The following AGAP2 variants were observed in gnomAD, a reference collection of about 807,000 sequenced individuals.
AGAP2 encodes arf-GAP with GTPase, ANK repeat and PH domain-containing protein 2.
In AGAP2, 32 loss-of-function variants were observed where a neutral mutation model predicts 110.9. That is an observed-to-expected ratio of 0.29 (90% confidence interval 0.22 to 0.39). The LOEUF is 0.39. AGAP2 is among the 10% of genes least tolerant of loss of function. The pLI is 1.00. For synonymous variants in AGAP2, 702 were observed against 713.0 expected (o/e 0.98, Z 0.25); for missense variants, 1,285 against 1,638.5 (o/e 0.78, Z 3.72).
rs1222351135 is a variant in AGAP2 at position 57,737,632 on chromosome 12, G to A, written c.615C>T (p.Gly205=). ...CGGGCCATGACAGGCGGCTACCCGC[G>A]CCCTTGCCCCCGCCGGCTTTGGCTC... The part of the protein sequence containing the change: ...TSGAKAGGGK[G]AGSRLSWPES... The change falls in exon 1 of 19, where the codon GGC becomes GGT. Residue 205 remains glycine (G), a synonymous_variant. Transcript: ENST00000547588. The surrounding 1 kb of genome is among the most constrained non-coding windows in gnomAD (Gnocchi z 5.9). The A allele has an allele frequency of 6.5e-7, 1 of 1,547,292 alleles. No individual in the cohort carries two copies. Among genetic ancestry groups the A allele is most frequent in the Non-Finnish European group, 8.7e-7 (1 of 1,146,720 alleles).
chr12:57,734,044 C>A lies in AGAP2; in HGVS notation c.1531G>T (p.Ala511Ser). Reference sequence around the variant, plus strand: ...TCCTTACCTTGTGTCCCCACCAGTGCCAAGGCCAGGCCTCCTCGTCCCTCC... The same window carrying A: ...TCCTTACCTTGTGTCCCCACCAGTGACAAGGCCAGGCCTCCTCGTCCCTCC... Reference protein sequence around the residue: ...RGEGRGGLALALVGTQDRISA... With the variant: ...RGEGRGGLALSLVGTQDRISA... Residue 511 changes from alanine to serine, a missense_variant, in exon 5 of 19, where the codon GCA (alanine) becomes TCA (serine). By Grantham distance (99) the Ala-to-Ser change is moderately conservative (BLOSUM62 1). Coordinates refer to ENST00000547588, the MANE Select transcript of AGAP2 (RefSeq NM_001122772.3). The A allele has an allele frequency of 6.2e-7, 1 of 1,601,148 alleles. No homozygotes were observed. Among genetic ancestry groups the A allele is most frequent in the Non-Finnish European group, 8.5e-7 (1 of 1,173,748 alleles).
In AGAP2 at chr12:57,730,836, C is replaced by T. The variant is rs1027170769; in HGVS notation, c.2263G>A (p.Gly755Arg). 3.1e-6 allele frequency: 5 copies of T among 1,613,854 alleles called. No individual in the cohort carries two copies. The highest frequency in any genetic ancestry group is 1.7e-4 in the Middle Eastern group (1 of 6,056). Residue 755 changes from glycine to arginine, a missense_variant, in exon 11 of 19, where the codon GGG (glycine) becomes AGG (arginine). This residue lies in a region of AGAP2 where 135 missense variants were observed against 182.0 expected (regional missense o/e 0.74). Coordinates refer to ENST00000547588, the MANE Select transcript of AGAP2 (RefSeq NM_001122772.3). The stretch of plus-strand genomic sequence containing the variant: ...ACAGTGCTCATGTCCTTGACGAGCC[C>T]GTTAATGCTGGCTGAGGGGCCAAAG... The part of the protein sequence containing the change: ...SAFGPSASIN[G>R]LVKDMSTVQM...
At chr12:57,728,256 C>CG in intron 14 of AGAP2, 62 bp downstream of exon 14, 1 of 1,579,076 alleles carries the variant, frequency 6.3e-7, no homozygotes, top group Admixed American at 1.7e-5. Context: ...CAGGGGAAGG[C>CG]GGGGGCACCC....
In AGAP2 at chr12:57,725,920, G is replaced by C. The variant is rs1372793932; in HGVS notation, c.*632C>G. ...CTCTTTAGCTTCCACCCATGGGTAG[G>C]TGTAGGGGACGTCCTGGTTTCCACT... On this transcript the variant is annotated 3_prime_UTR_variant, in exon 19 of 19. Coordinates refer to ENST00000547588, the MANE Select transcript of AGAP2 (RefSeq NM_001122772.3). 6.6e-6 allele frequency: 1 copy of C among 151,910 alleles called. No individual in the cohort carries two copies. Among genetic ancestry groups the C allele is most frequent in the Non-Finnish European group, 1.5e-5 (1 of 67,972 alleles). The allele number at this position is 151,910 out of a possible 1,614,324, so 9.4% of individuals were successfully genotyped here.
chr12:57,730,322 A>G (rs1954861025), intron 12 of AGAP2, 173 bp downstream of exon 12: 2 of 975,490 alleles, frequency 2.1e-6, no homozygotes, highest in East Asian at 2.7e-5. Flanking sequence ...GTTAGAGTCC[A>G]CTTGTCTTAA....
Position 57,727,453 on chromosome 12 carries a change from G to A in AGAP2, c.2987C>T (p.Thr996Ile), listed in dbSNP as rs1162962655. ...GTTGCCAATAGCCGTCAGCACCAGG[G>A]TCAGCTCCCGTGGCCAGTCGTCCAA... ...LDLDDWPREL[T>I]LVLTAIGNDT... Residue 996 changes from threonine (T) to isoleucine (I), a missense_variant, in exon 17 of 19, where the codon ACC (threonine) becomes ATC (isoleucine). Transcript: ENST00000547588. 1.2e-6 allele frequency: 2 copies of A among 1,613,722 alleles called. No individual in the cohort carries two copies. Among genetic ancestry groups the A allele is most frequent in the East Asian group, 4.5e-5 (2 of 44,860 alleles).
chr12:57,727,021 G>C lies in AGAP2; in HGVS notation c.3289C>G (p.Leu1097Val). 6.2e-7 allele frequency: 1 copy of C among 1,608,888 alleles called. No individual in the cohort carries two copies. ...EDPQLRSPLH[L>V]AAELAHVVIT... ...ACGACGTGGGCGAGCTCGGCCGCCA[G>C]GTGGAGTGGGGAGCGCAGCTGTGGG... Residue 1097 changes from leucine (L) to valine (V), a missense_variant, in exon 18 of 19, where the codon CTG (leucine) becomes GTG (valine). Coordinates refer to ENST00000547588, the MANE Select transcript of AGAP2 (RefSeq NM_001122772.3).
intron 1 of AGAP2, among the ~76,000 whole-genome samples, chr12:57,736,775 GTGGGGTCC>G (rs1954990217): frequency 6.6e-6 from 1 of 152,226 alleles, no homozygotes; most frequent in East Asian, 1.9e-4. Flanking sequence ...GAGGCTGGAA[GTGGGGTCC>G]TGGGCTTCTC....
At chr12:57,731,238 C>T (rs1014167274) in intron 10 of AGAP2, 128 bp downstream of exon 10, 1 of 846,192 alleles carries the variant, frequency 1.2e-6, no homozygotes, top group Non-Finnish European at 1.9e-6. Flanking sequence ...TAACACATGC[C>T]TGCTAAACTT....
intron 13 of AGAP2, among the ~76,000 whole-genome samples, chr12:57,728,629 C>T (rs1954821658): frequency 6.6e-6 from 1 of 152,020 alleles, no homozygotes. Flanking sequence ...GAGCACCCGG[C>T]AGAGAGCAGG....
rs373686904 is a variant in AGAP2, at chr12:57,725,973, TG to T, written c.*578del. 4.6e-5 allele frequency: 7 copies of T among 151,870 alleles called. No homozygotes were observed. The highest frequency in any genetic ancestry group is 1.7e-4 in the African/African-American group (7 of 41,360). 9.4% of individuals were successfully genotyped at this position (151,870 alleles called of 1,614,324 possible). A position where few individuals can be genotyped will look rare whatever the true frequency, so the allele number is the denominator to read the frequency against. ...TCACGGTCCCTTTCACGGAAAGGGT[TG>T]GGAACCCCCACCCCCATGAGCAGCA... On this transcript the variant is annotated 3_prime_UTR_variant, in exon 19 of 19. Coordinates refer to ENST00000547588, the MANE Select transcript of AGAP2 (RefSeq NM_001122772.3).
Position 57,727,204 on chromosome 12 carries a change from C to A in AGAP2, c.3106G>T (p.Ala1036Ser), listed in dbSNP as rs1954786090. 1 of 1,611,654 alleles carries A rather than the reference C, an allele frequency of 6.2e-7. No individual in the cohort carries two copies. The highest frequency in any genetic ancestry group is 8.5e-7 in the Non-Finnish European group (1 of 1,179,492). Residue 1036 changes from alanine to serine, a missense_variant, in exon 18 of 19, where the codon GCC becomes TCC. Coordinates refer to ENST00000547588, the MANE Select transcript of AGAP2 (RefSeq NM_001122772.3). The part of the protein sequence containing the change: ...SREERESWIR[A>S]KYEQLLFLAP... ...AGGAACAGTAGCTGCTCGTACTTGG[C>A]GCGAATCCACGACTCGCGCTCCTCC... is the stretch of plus-strand genomic sequence containing the variant.
intron 8 of AGAP2, 33 bp downstream of exon 8, chr12:57,731,776 G>A (rs1463771831): frequency 4.5e-6 from 7 of 1,557,286 alleles, no homozygotes; most frequent in Non-Finnish European, 6.1e-6. Context: ...TGGGGGACAG[G>A]AGGATGGGGG....
chr12:57,737,850 G>A lies in AGAP2; in HGVS notation c.397C>T (p.Pro133Ser), dbSNP rs1226072000. The A allele has an allele frequency of 4.1e-6, 6 of 1,461,400 alleles. No homozygotes were observed. The highest frequency in any genetic ancestry group is 1.5e-5 in the African/African-American group (1 of 67,964). The allele number at this position is 1,461,400 out of a possible 1,614,324, so 90.5% of individuals were successfully genotyped here. Residue 133 changes from proline to serine, a missense_variant, in exon 1 of 19, where the codon CCT (proline) becomes TCT (serine). Around this residue, in one of 7 missense-constraint regions of AGAP2, gnomAD observed 844 missense variants for 941.2 expected, o/e 0.90. Transcript: ENST00000547588. This position sits in a 1 kb window ranked among gnomAD's most constrained non-coding sequence, Gnocchi z 5.9. ...CGGGAGGAGGTGGGGGCGCCCCCAG[G>A]CTTGGGGTCGGGGCTCAGTCCCCCG... ...LSGGLSPDPK[P>S]GGAPTSSRRP...
Position 57,726,946 on chromosome 12 carries a change from C to T in AGAP2, c.3336+28G>A. The stretch of plus-strand genomic sequence containing the variant: ...GTTTTCCGAGATGAAGCCTCAAAGA[C>T]CCCCTTTCCTCCCCCCAGCTCACGT... On this transcript the variant is annotated intron_variant, in intron 18 of 18. Transcript: ENST00000547588. This position sits in a 1 kb window ranked among gnomAD's most constrained non-coding sequence, Gnocchi z 5.7. 1 of 1,514,900 alleles carries T rather than the reference C, an allele frequency of 6.6e-7. No individual in the cohort carries two copies. The highest frequency in any genetic ancestry group is 1.8e-4 in the Middle Eastern group (1 of 5,526). The allele number at this position is 1,514,900 out of a possible 1,614,324, so 93.8% of individuals were successfully genotyped here. A position where few individuals can be genotyped will look rare whatever the true frequency, so the allele number is the denominator to read the frequency against.
At position 57,726,765 on chromosome 12, in the gene AGAP2, G is replaced by C. The variant is rs1339501767; in HGVS notation, c.3366C>G (p.Ala1122=). Residue 1122 remains alanine, a synonymous_variant, in exon 19 of 19, where the codon GCC becomes GCG. Coordinates refer to ENST00000547588, the MANE Select transcript of AGAP2 (RefSeq NM_001122772.3). This position sits in a 1 kb window ranked among gnomAD's most constrained non-coding sequence, Gnocchi z 5.7. ...WYGADVAARD[A]QGRTALFYAR... Reference sequence around the variant, plus strand: ...CGTAGAACAGCGCCGTGCGGCCCTGGGCGTCACGGGCCGCCACGTCCGCGC... The same window carrying C: ...CGTAGAACAGCGCCGTGCGGCCCTGCGCGTCACGGGCCGCCACGTCCGCGC... The C allele has an allele frequency of 7.4e-7, 1 of 1,354,656 alleles. No homozygotes were observed. The highest frequency in any genetic ancestry group is 3.1e-5 in the East Asian group (1 of 32,760). The allele number at this position is 1,354,656 out of a possible 1,614,324, so 83.9% of individuals were successfully genotyped here.
upstream of AGAP2, among the ~76,000 whole-genome samples, chr12:57,738,802 A>G (rs1299130200): frequency 3.2e-5 from 3 of 93,036 alleles, no homozygotes; most frequent in Admixed American, 4.0e-4. The surrounding 1 kb of genome is among the most constrained non-coding windows in gnomAD (Gnocchi z 6.7). Context: ...ATGGAGATAC[A>G]GGAGGCGGCG....
chr12:57,734,432 A>T (rs1345590840), intron 3 of AGAP2, 28 bp from the exon 4 acceptor site: 1 of 1,612,338 alleles, frequency 6.2e-7, no homozygotes, highest in Admixed American at 1.7e-5. Flanking sequence ...AAGGGGTAAC[A>T]GGTCAGAGGT....
rs775039304 is a variant in AGAP2 at position 57,731,455 on chromosome 12, G to A, written c.2056C>T (p.Arg686Ter). The change falls in exon 10 of 19, where the codon CGA becomes TGA. Residue 686 changes from arginine to a stop codon, truncating the protein, a stop_gained. Coordinates refer to ENST00000547588, the MANE Select transcript of AGAP2 (RefSeq NM_001122772.3). LOFTEE classifies it high-confidence loss of function. ...IPIKQSFLLK[R>*]SGNSLNKEWK... ...TCTTTGTTCAAGGAATTGCCACTTCGTTTTAGTAGGAAGCTCTGGAGAAAG... is the reference window on the plus strand; with the variant it reads ...TCTTTGTTCAAGGAATTGCCACTTCATTTTAGTAGGAAGCTCTGGAGAAAG... The A allele has an allele frequency of 1.2e-6, 2 of 1,614,094 alleles. No individual in the cohort carries two copies. Among genetic ancestry groups the A allele is most frequent in the Non-Finnish European group, 8.5e-7 (1 of 1,180,002 alleles).
Sources: allele counts gnomAD v4.1 joint callset (sites outside exome capture counted in the v4.1 genomes callset), GRCh38; gene constraint gnomAD v4.1.1; regional missense constraint gnomAD v4.1.1; non-coding constraint Gnocchi (gnomAD v3.1); transcripts MANE v1.5; gene names NCBI Gene and HGNC (gene_info 2026-07-23, HGNC 2026-07-21).